SORCS2: variants seen among roughly 807,000 people sequenced by gnomAD.
SORCS2 encodes the protein VPS10 domain-containing receptor SorCS2.
Under a neutral mutation model 141.6 loss-of-function variants are expected in SORCS2, and 100 were observed. The ratio of observed to expected loss-of-function variants is 0.71; its 90% CI spans 0.60 to 0.83. The LOEUF (loss-of-function observed/expected upper bound fraction) is 0.83, where lower values mean the gene tolerates loss of function less well. Ranked by LOEUF, SORCS2 falls within the 40% of genes least tolerant of loss-of-function variation. The probability of loss-of-function intolerance (pLI) is 0.00; values close to 1 mark genes in which losing one functional copy is unlikely to be tolerated. For synonymous variants in SORCS2, 789 were observed against 676.9 expected (o/e 1.17, Z -2.57); for missense variants, 1,646 against 1,560.2 (o/e 1.05, Z -0.93).
chr4:7,727,219 G>C (rs56349853), intron 21 of SORCS2, among the ~76,000 whole-genome samples: 33,383 of 152,198 alleles, frequency 0.22, 3,977 homozygotes, highest in Admixed American at 0.36. Context: ...GGCACTGGCT[G>C]TGCCTGCCTC....
chr4:7,626,235 G>A (rs1427755612), intron 3 of SORCS2, among the ~76,000 whole-genome samples: 1 of 152,208 alleles, frequency 6.6e-6, no homozygotes, highest in South Asian at 2.1e-4. Context: ...ACCTTAGTTT[G>A]TAACAGGTGT....
chr4:7,337,025 C>A (rs147499058), intron 1 of SORCS2, among the ~76,000 whole-genome samples: 1 of 152,298 alleles, frequency 6.6e-6, no homozygotes, highest in East Asian at 1.9e-4. Context: ...GGGAATCACA[C>A]ACAATCGTGG....
At chr4:7,273,766 C>T (rs1334291246) in intron 1 of SORCS2, among the ~76,000 whole-genome samples, 1 of 152,208 alleles carries the variant, frequency 6.6e-6, no homozygotes, top group Non-Finnish European at 1.5e-5. Context: ...CTGGCTCTGT[C>T]ATTAGAAAGC....
At chr4:7,550,628 C>A (rs901191518) in intron 3 of SORCS2, among the ~76,000 whole-genome samples, 2 of 152,220 alleles carry the variant, frequency 1.3e-5, no homozygotes, top group South Asian at 4.1e-4. Context: ...GCTGCTGTTA[C>A]AAAGAACCCA....
chr4:7,587,193 T>C (rs1716592983), intron 3 of SORCS2, among the ~76,000 whole-genome samples: 1 of 152,004 alleles, frequency 6.6e-6, no homozygotes, highest in Non-Finnish European at 1.5e-5. Context: ...GTGGAGTTTC[T>C]AGATCTTGGT....
intron 2 of SORCS2, among the ~76,000 whole-genome samples, chr4:7,500,765 C>A (rs1376240188): frequency 6.6e-6 from 1 of 152,198 alleles, no homozygotes; most frequent in Admixed American, 6.5e-5. Context: ...CTCAGGGAGG[C>A]CCTGGCTGCT....
intron 2 of SORCS2, among the ~76,000 whole-genome samples, chr4:7,528,238 G>A (rs1477768767): frequency 6.6e-6 from 1 of 152,082 alleles, no homozygotes; most frequent in Non-Finnish European, 1.5e-5. Context: ...CCGTAGTATG[G>A]GCCTTAAAGC....
intron 2 of SORCS2, among the ~76,000 whole-genome samples, chr4:7,514,078 C>A (rs1732828696): frequency 6.6e-6 from 1 of 152,124 alleles, no homozygotes. Context: ...GAGCCGAGGA[C>A]ACAGGTGGGG....
At chr4:7,487,403 G>A (rs1189308392) in intron 2 of SORCS2, among the ~76,000 whole-genome samples, 3 of 152,198 alleles carry the variant, frequency 2.0e-5, no homozygotes, top group Admixed American at 6.5e-5. Flanking sequence ...TGGGGAGTGG[G>A]GCCCAGACCT....
chr4:7,712,555 T>G (rs1725891843), intron 14 of SORCS2, among the ~76,000 whole-genome samples, 178 bp from the exon 15 acceptor site: 1 of 152,202 alleles, frequency 6.6e-6, no homozygotes, highest in Non-Finnish European at 1.5e-5. Context: ...AGAGCACGTG[T>G]GCAGGGCCAG....
chr4:7,561,598 ATCCATCTATCTACCCAT>A, intron 3 of SORCS2, among the ~76,000 whole-genome samples: 1 of 142,744 alleles, frequency 7.0e-6, no homozygotes, highest in African/African-American at 2.7e-5. Context: ...TCATCCATCT[ATCCATCTATCTACCCAT>A]CCGTCTATCT....
At chr4:7,330,204 G>C (rs1272174057) in intron 1 of SORCS2, among the ~76,000 whole-genome samples, 1 of 151,806 alleles carries the variant, frequency 6.6e-6, no homozygotes, top group Non-Finnish European at 1.5e-5. Flanking sequence ...TTGCATTAGG[G>C]CCATCTGGAT....
chr4:7,674,056 C>T (rs1722951728), intron 8 of SORCS2, among the ~76,000 whole-genome samples: 1 of 152,180 alleles, frequency 6.6e-6, no homozygotes, highest in African/African-American at 2.4e-5. Flanking sequence ...AGCCACAAGC[C>T]TGCTGCCTCC....
At chr4:7,720,279 G>C (rs1406460379) in intron 18 of SORCS2, among the ~76,000 whole-genome samples, 1 of 152,042 alleles carries the variant, frequency 6.6e-6, no homozygotes, top group Non-Finnish European at 1.5e-5. Flanking sequence ...GTTTGACGTC[G>C]GTGCCAAAAC....
chr4:7,395,138 AAG>A (rs1724124897), intron 1 of SORCS2, among the ~76,000 whole-genome samples: 1 of 140,304 alleles, frequency 7.1e-6, no homozygotes, highest in Non-Finnish European at 1.5e-5. Context: ...CGCCGCCTGT[AAG>A]ATGCACACTG....
chr4:7,736,234 C>T (rs1394003514), intron 25 of SORCS2, among the ~76,000 whole-genome samples: 1 of 152,260 alleles, frequency 6.6e-6, no homozygotes, highest in Non-Finnish European at 1.5e-5. Context: ...GGGCTTGGCC[C>T]TCGTCTCTCA....
chr4:7,389,316 T>A (rs757007940), intron 1 of SORCS2, among the ~76,000 whole-genome samples: 1 of 152,168 alleles, frequency 6.6e-6, no homozygotes, highest in Admixed American at 6.5e-5. Context: ...AAATCCTGTG[T>A]GATCCCGGGA....
At chr4:7,556,316 G>T (rs897313499) in intron 3 of SORCS2, among the ~76,000 whole-genome samples, 1 of 152,146 alleles carries the variant, frequency 6.6e-6, no homozygotes, top group Non-Finnish European at 1.5e-5. Flanking sequence ...GATTTTAAAG[G>T]TGCCTCGAGG....
rs574451979 is a variant in SORCS2 at position 7,200,303 on chromosome 4, C to T, written c.480+7177C>T. On this transcript the variant is annotated intron_variant, in intron 1 of 26. Transcript: ENST00000507866. ...TCCACATGGCCTCTGGCTCTGACCC[C>T]GGGGTCCCTCCCCTGCCCTCCAACA... 5.8e-4 allele frequency among the ~76,000 whole-genome samples: 88 copies of T among 152,216 alleles called. 1 individual carries two copies. Among genetic ancestry groups the T allele is most frequent in the Middle Eastern group, 3.4e-3 (1 of 294 alleles).
Sources: gnomAD v4.1 joint callset for allele counts (sites outside exome capture counted in the v4.1 genomes callset) on GRCh38, gnomAD v4.1.1 for gene constraint, MANE v1.5 for transcripts, NCBI Gene and HGNC (gene_info 2026-07-23, HGNC 2026-07-21) for gene names.